EYS: variants seen among roughly 807,000 people sequenced by gnomAD.
EYS encodes EGF-like photoreceptor maintenance factor, also known as protein eyes shut homolog.
Under a neutral mutation model 282.1 loss-of-function variants are expected in EYS, and 250 were observed. The observed-to-expected ratio is 0.89, with a 90% confidence interval of 0.80 to 0.98. EYS has a LOEUF of 0.98. Ranked by LOEUF, EYS falls within the 50% of genes least tolerant of loss-of-function variation. The pLI, the probability that EYS is intolerant of heterozygous loss-of-function variation, is 0.00. For missense variants in EYS, 4,016 were observed against 3,709.0 expected, an observed-to-expected ratio of 1.08 and a Z score of -2.15; for synonymous variants, 1,355 against 1,282.9, an observed-to-expected ratio of 1.06 and a Z score of -1.20.
intron 22 of EYS, among the ~76,000 whole-genome samples, chr6:64,665,416 A>G (rs1186413836): frequency 6.6e-6 from 1 of 152,164 alleles, no homozygotes; most frequent in Non-Finnish European, 1.5e-5. Flanking sequence ...TGCTTGGCTC[A>G]TAGACTTTTT....
chr6:65,285,962 G>T (rs553943118), intron 12 of EYS, among the ~76,000 whole-genome samples: 112 of 151,974 alleles, frequency 7.4e-4, no homozygotes, highest in African/African-American at 2.6e-3. Flanking sequence ...TTCACCCATC[G>T]TGAGGTTGCC....
chr6:65,290,910 A>G (rs778138289), intron 12 of EYS, among the ~76,000 whole-genome samples: 3 of 151,420 alleles, frequency 2.0e-5, no homozygotes, highest in Non-Finnish European at 4.4e-5. Context: ...TGATAGTGAA[A>G]TCTAAAGTCC....
chr6:64,417,468 A>G lies in EYS; in HGVS notation c.5927+18706T>C, dbSNP rs530811769. Among the ~76,000 whole-genome samples the G allele has an allele frequency of 8.5e-5, 13 of 152,250 alleles. No individual in the cohort carries two copies. The South Asian group carries it at 2.3e-3, about 27-fold the overall frequency. On this transcript the variant is annotated intron_variant, in intron 28 of 42. Coordinates refer to ENST00000503581, the MANE Select transcript of EYS (RefSeq NM_001142800.2). The stretch of plus-strand genomic sequence containing the variant: ...GTGAAAACCATTTATACCTTATCAA[A>G]ATAGACCATTTAGATACATATTGTT...
At chr6:65,222,258 A>G (rs2150260144) in intron 12 of EYS, among the ~76,000 whole-genome samples, 1 of 152,274 alleles carries the variant, frequency 6.6e-6, no homozygotes, top group African/African-American at 2.4e-5. Flanking sequence ...CTATGTCCTG[A>G]CCCAAATCTC....
intron 22 of EYS, among the ~76,000 whole-genome samples, chr6:64,801,906 T>C (rs533202926): frequency 1.5e-4 from 23 of 152,062 alleles, no homozygotes; most frequent in Non-Finnish European, 3.1e-4. Flanking sequence ...TGCCAATCTA[T>C]CTTTGCCTAT....
At chr6:65,006,699 G>A (rs1283297960) in intron 13 of EYS, among the ~76,000 whole-genome samples, 1 of 152,104 alleles carries the variant, frequency 6.6e-6, no homozygotes, top group Non-Finnish European at 1.5e-5. Flanking sequence ...ACTCCCTTCA[G>A]GACAGGATGA....
chr6:64,106,348 A>C (rs1326547095), intron 31 of EYS, among the ~76,000 whole-genome samples: 1 of 152,154 alleles, frequency 6.6e-6, no homozygotes, highest in Non-Finnish European at 1.5e-5. Context: ...CCTGAAAAAA[A>C]ATCTTTGATG....
At chr6:64,820,089 C>A (rs1190860504) in intron 21 of EYS, among the ~76,000 whole-genome samples, 1 of 151,964 alleles carries the variant, frequency 6.6e-6, no homozygotes, top group Admixed American at 6.6e-5. Flanking sequence ...ATACTCTCAT[C>A]AGGTAAGTGT....
intron 35 of EYS, among the ~76,000 whole-genome samples, chr6:63,871,555 A>T (rs1443242302): frequency 6.6e-6 from 1 of 152,016 alleles, no homozygotes; most frequent in African/African-American, 2.4e-5. Context: ...CCAGCTACTC[A>T]GGAGGCTGAG....
intron 31 of EYS, among the ~76,000 whole-genome samples, chr6:64,132,608 T>C (rs951775689): frequency 6.6e-6 from 1 of 151,946 alleles, no homozygotes; most frequent in Admixed American, 6.6e-5. Context: ...AAGAAGACAA[T>C]TACATTTAAG....
intron 12 of EYS, among the ~76,000 whole-genome samples, chr6:65,241,402 G>A (rs1371354089): frequency 1.3e-5 from 2 of 151,882 alleles, no homozygotes; most frequent in African/African-American, 4.8e-5. Flanking sequence ...TTTCTATTCT[G>A]CACTAAAGAG....
At chr6:65,372,773 A>G (rs950418908) in intron 8 of EYS, among the ~76,000 whole-genome samples, 34 of 152,126 alleles carry the variant, frequency 2.2e-4, no homozygotes, top group Admixed American at 2.0e-3. Context: ...CACTTCAATT[A>G]TAAAGAAAAT....
intron 30 of EYS, among the ~76,000 whole-genome samples, chr6:64,266,078 G>T (rs577490410): frequency 1.1e-4 from 17 of 152,014 alleles, no homozygotes; most frequent in Non-Finnish European, 2.5e-4. Context: ...TTTTTTAAGT[G>T]TTTATATATT....
At chr6:63,983,281 C>T (rs1767189806) in intron 35 of EYS, among the ~76,000 whole-genome samples, 1 of 151,710 alleles carries the variant, frequency 6.6e-6, no homozygotes, top group Non-Finnish European at 1.5e-5. Flanking sequence ...AGCCAAATTT[C>T]TAGACACTCT....
chr6:64,381,157 TACTA>T (rs565862768), intron 29 of EYS, among the ~76,000 whole-genome samples: 17 of 152,336 alleles, frequency 1.1e-4, no homozygotes, highest in African/African-American at 3.6e-4. Context: ...ATGTTCTTTT[TACTA>T]ACTTTCTTTA....
chr6:65,162,382 G>A lies in EYS; in HGVS notation c.2024-104655C>T, dbSNP rs368583720. Among the ~76,000 whole-genome samples the A allele has an allele frequency of 8.6e-5, 13 of 151,226 alleles. No homozygotes were observed. In the East Asian group the frequency reaches 2.4e-3, roughly 27 times the overall value. ...GCGTGAGATAGAGAGGAAAATCCTC[G>A]GTAACACTACCTGACAATGAGCAGT... On this transcript the variant is annotated intron_variant, in intron 12 of 42. Transcript: ENST00000503581.
intron 31 of EYS, among the ~76,000 whole-genome samples, chr6:64,182,394 G>T (rs963574927): frequency 4.6e-5 from 7 of 152,090 alleles, no homozygotes; most frequent in African/African-American, 1.7e-4. Context: ...AATACCAGAG[G>T]TGAGGAGTCT....
chr6:64,266,446 A>G (rs943271813), intron 30 of EYS, among the ~76,000 whole-genome samples: 1 of 152,176 alleles, frequency 6.6e-6, no homozygotes, highest in Non-Finnish European at 1.5e-5. Flanking sequence ...AAGTGTAACA[A>G]AAATTATATT....
At chr6:65,638,251 T>A (rs988067417) in intron 2 of EYS, among the ~76,000 whole-genome samples, 1 of 152,124 alleles carries the variant, frequency 6.6e-6, no homozygotes, top group Non-Finnish European at 1.5e-5. Flanking sequence ...AGGGGTCTCC[T>A]CTGAGCTGTT....
Sources: allele counts gnomAD v4.1 joint callset (sites outside exome capture counted in the v4.1 genomes callset), GRCh38; gene constraint gnomAD v4.1.1; transcripts MANE v1.5; gene names NCBI Gene and HGNC (gene_info 2026-07-23, HGNC 2026-07-21).